TBC1D22A: variants seen among roughly 807,000 people sequenced by gnomAD.
The protein encoded by TBC1D22A is TBC1 domain family member 22A.
In TBC1D22A, 38 loss-of-function variants were observed where a neutral mutation model predicts 60.2. That is an observed-to-expected ratio of 0.63 (90% CI 0.49 to 0.83). The LOEUF (loss-of-function observed/expected upper bound fraction) is 0.83, where lower values mean the gene tolerates loss of function less well. TBC1D22A is among the 40% of genes least tolerant of loss of function. The probability of loss-of-function intolerance (pLI) is 0.00; values close to 1 mark genes in which losing one functional copy is unlikely to be tolerated. For missense variants in TBC1D22A, 628 were observed against 701.0 expected (o/e 0.90, Z 1.18); for synonymous variants, 302 against 281.7 (o/e 1.07, Z -0.72).
At chr22:46,832,071 A>G (rs533511357) in intron 4 of TBC1D22A, among the ~76,000 whole-genome samples, 1 of 152,138 alleles carries the variant, frequency 6.6e-6, no homozygotes, top group African/African-American at 2.4e-5. Context: ...TTTTGAGTCA[A>G]CTTCTCGGCT....
chr22:47,089,684 ATTG>A (rs1186195135), intron 11 of TBC1D22A, among the ~76,000 whole-genome samples: 1 of 152,172 alleles, frequency 6.6e-6, no homozygotes, highest in Non-Finnish European at 1.5e-5. Flanking sequence ...CTTGTTTCTT[ATTG>A]TTGTGCAGAA....
intron 11 of TBC1D22A, among the ~76,000 whole-genome samples, chr22:47,041,954 C>A (rs2062859209): frequency 6.6e-6 from 1 of 152,230 alleles, no homozygotes; most frequent in South Asian, 2.1e-4. Context: ...AGTGCCTGGC[C>A]CTGCACCAAG....
At chr22:47,127,981 T>TG (rs372670990) in intron 12 of TBC1D22A, among the ~76,000 whole-genome samples, 8 of 24,290 alleles carry the variant, frequency 3.3e-4, no homozygotes, top group Non-Finnish European at 5.4e-4. Context: ...ACCCCACCCA[T>TG]CCCCCCATCC....
At chr22:46,960,609 G>C (rs1192849294) in intron 8 of TBC1D22A, among the ~76,000 whole-genome samples, 1 of 152,148 alleles carries the variant, frequency 6.6e-6, no homozygotes, top group Non-Finnish European at 1.5e-5. Context: ...CAGGCAGTCT[G>C]CTCTGCCACT....
intron 8 of TBC1D22A, among the ~76,000 whole-genome samples, chr22:46,957,224 A>G (rs2073246375): frequency 1.3e-5 from 2 of 152,208 alleles, no homozygotes; most frequent in African/African-American, 4.8e-5. Flanking sequence ...AAATAAAACA[A>G]AAGTCTGCAG....
intron 1 of TBC1D22A, among the ~76,000 whole-genome samples, chr22:46,788,417 T>C (rs570896966): frequency 6.6e-6 from 1 of 152,308 alleles, no homozygotes; most frequent in African/African-American, 2.4e-5. Context: ...CTTGCAGTAT[T>C]GATAGTAAAA....
At chr22:46,884,077 T>TTGGACGAACATTCCGCCCC (rs2067988215) in intron 5 of TBC1D22A, among the ~76,000 whole-genome samples, 1 of 152,180 alleles carries the variant, frequency 6.6e-6, no homozygotes, top group South Asian at 2.1e-4. Context: ...TTCCAAGCCC[T>TTGGACGAACATTCCGCCCC]TGGACGAACA....
chr22:46,898,730 C>T (rs150827912), intron 7 of TBC1D22A, among the ~76,000 whole-genome samples: 1 of 152,106 alleles, frequency 6.6e-6, no homozygotes, highest in African/African-American at 2.4e-5. Context: ...ACAGAAACAC[C>T]TTAAAAGATC....
chr22:47,079,454 C>T, intron 11 of TBC1D22A, among the ~76,000 whole-genome samples: 1 of 152,078 alleles, frequency 6.6e-6, no homozygotes, highest in East Asian at 1.9e-4. Context: ...TAGCTACCTT[C>T]CCATGGAAAA....
At chr22:47,062,563 T>C (rs2063616377) in intron 11 of TBC1D22A, among the ~76,000 whole-genome samples, 1 of 152,120 alleles carries the variant, frequency 6.6e-6, no homozygotes. Context: ...GCATGGTGCT[T>C]CCTCTAGCGT....
chr22:46,950,254 T>C (rs1290827375), intron 8 of TBC1D22A, among the ~76,000 whole-genome samples: 1 of 152,132 alleles, frequency 6.6e-6, no homozygotes, highest in Non-Finnish European at 1.5e-5. Flanking sequence ...TGAAGATGGC[T>C]CCAAGGTTTA....
intron 11 of TBC1D22A, among the ~76,000 whole-genome samples, chr22:47,067,737 A>G (rs1400667624): frequency 6.6e-6 from 1 of 152,170 alleles, no homozygotes; most frequent in Non-Finnish European, 1.5e-5. Flanking sequence ...ATAACTTGAA[A>G]CAGATTAAGA....
chr22:47,088,807 A>T (rs2064802900), intron 11 of TBC1D22A, among the ~76,000 whole-genome samples: 1 of 152,202 alleles, frequency 6.6e-6, no homozygotes, highest in Non-Finnish European at 1.5e-5. Context: ...TTGCAGCATC[A>T]CCAGGAAGGA....
chr22:47,143,640 C>T (rs1221134203), intron 12 of TBC1D22A, among the ~76,000 whole-genome samples: 1 of 152,166 alleles, frequency 6.6e-6, no homozygotes, highest in Non-Finnish European at 1.5e-5. Context: ...AGTGGGCAGC[C>T]CTGCCTGCAG....
chr22:47,032,809 A>C (rs973933609), intron 10 of TBC1D22A, among the ~76,000 whole-genome samples: 1 of 152,354 alleles, frequency 6.6e-6, no homozygotes, highest in East Asian at 1.9e-4. Flanking sequence ...CACTTGCTGC[A>C]GCCCAGACGT....
intron 11 of TBC1D22A, among the ~76,000 whole-genome samples, chr22:47,111,255 T>C (rs562485572): frequency 6.6e-5 from 10 of 152,264 alleles, no homozygotes; most frequent in Non-Finnish European, 1.3e-4. Context: ...AACAACCGCT[T>C]CTGAGGCTGT....
At chr22:47,173,371 C>T in intron 12 of TBC1D22A, 127 bp from the exon 13 acceptor site, 1 of 1,293,136 alleles carries the variant, frequency 7.7e-7, no homozygotes, top group East Asian at 2.4e-5. Flanking sequence ...TTTCCTGGAT[C>T]ACCCGCCCTG....
intron 11 of TBC1D22A, among the ~76,000 whole-genome samples, chr22:47,105,362 C>T (rs2065595117): frequency 6.6e-6 from 1 of 152,152 alleles, no homozygotes; most frequent in South Asian, 2.1e-4. Flanking sequence ...AGAAACATAA[C>T]CACAAAGGTG....
chr22:47,014,423 A>T (rs2061844997), intron 10 of TBC1D22A, among the ~76,000 whole-genome samples: 2 of 152,110 alleles, frequency 1.3e-5, no homozygotes, highest in African/African-American at 4.8e-5. Context: ...CCAGGGCCCC[A>T]TCAGTCCCCG....
Sources: gnomAD v4.1 joint callset for allele counts (sites outside exome capture counted in the v4.1 genomes callset) on GRCh38, gnomAD v4.1.1 for gene constraint, MANE v1.5 for transcripts, NCBI Gene and HGNC (gene_info 2026-07-23, HGNC 2026-07-21) for gene names.